Variants in SLMAP observed in about 807,000 individuals in gnomAD.
The protein encoded by SLMAP is sarcolemma associated protein, also known as sarcolemmal membrane-associated protein.
Under a neutral mutation model 128.8 loss-of-function variants are expected in SLMAP, and 44 were observed. That is an observed-to-expected ratio of 0.34 (90% CI 0.27 to 0.44). The LOEUF is 0.44. Among genes scored for constraint, SLMAP ranks in the 20% least tolerant of loss-of-function variants. The pLI is 1.00. For missense variants in SLMAP, 787 were observed against 985.3 expected, an observed-to-expected ratio of 0.80 and a Z score of 2.69; for synonymous variants, 327 against 348.8, an observed-to-expected ratio of 0.94 and a Z score of 0.70.
chr3:57,860,861 T>A (rs527314706), intron 9 of SLMAP, 22 bp downstream of exon 9: 11 of 1,528,276 alleles, frequency 7.2e-6, no homozygotes, highest in Middle Eastern at 2.0e-4. Flanking sequence ...AAAAAAAAAA[T>A]ACTAAATAGT....
intron 2 of SLMAP, among the ~76,000 whole-genome samples, chr3:57,760,788 C>T (rs62259026): frequency 0.3 from 46,205 of 151,688 alleles, 7,366 homozygotes; most frequent in East Asian, 0.48. Flanking sequence ...AGTGCAATGG[C>T]GCGATCTTGG....
intron 22 of SLMAP, among the ~76,000 whole-genome samples, chr3:57,920,585 G>A (rs578018480): frequency 2.2e-4 from 33 of 152,256 alleles, no homozygotes; most frequent in African/African-American, 7.5e-4. Context: ...TAGGATATAA[G>A]TAGAGAGGAA....
chr3:57,845,179 T>A (rs2094183871), intron 4 of SLMAP, among the ~76,000 whole-genome samples: 1 of 152,226 alleles, frequency 6.6e-6, no homozygotes. Context: ...AAGTTATACA[T>A]AATTTTAAAA....
rs1006006771 is a variant in SLMAP, at chr3:57,897,150, C to G, written c.1501+218C>G. ...TTGGATCAGTCAAGATTACGAGGGACAAAGTGTTAAGTGGTAGAATATGAA... is the reference window on the plus strand; with the variant it reads ...TTGGATCAGTCAAGATTACGAGGGAGAAAGTGTTAAGTGGTAGAATATGAA... On this transcript the variant is annotated intron_variant, in intron 17 of 24. Transcript: ENST00000671191. 16 of 1,295,168 alleles carry G rather than the reference C, an allele frequency of 1.2e-5. No homozygotes were observed. In the Admixed American group the frequency reaches 1.9e-4, roughly 15 times the overall value. 80.2% of individuals were successfully genotyped at this position (1,295,168 alleles called of 1,614,324 possible). A position where few individuals can be genotyped will look rare whatever the true frequency, so the allele number is the denominator to read the frequency against.
At chr3:57,781,685 C>G (rs979663655) in intron 2 of SLMAP, among the ~76,000 whole-genome samples, 3 of 150,680 alleles carry the variant, frequency 2.0e-5, no homozygotes, top group Non-Finnish European at 2.9e-5. Flanking sequence ...TCTTTTTAAA[C>G]CATGTAACTA....
intron 2 of SLMAP, among the ~76,000 whole-genome samples, chr3:57,767,117 C>A (rs901407978): frequency 2.0e-5 from 3 of 152,008 alleles, no homozygotes; most frequent in Non-Finnish European, 2.9e-5. Context: ...TGGGATTTCA[C>A]CATGTTGCCC....
intron 2 of SLMAP, among the ~76,000 whole-genome samples, chr3:57,803,517 G>C (rs1343504221): frequency 6.6e-6 from 1 of 152,202 alleles, no homozygotes; most frequent in East Asian, 1.9e-4. Flanking sequence ...CCTTGTAGAT[G>C]TAAAATGTTG....
rs771836522 is a variant in SLMAP, at chr3:57,831,547, C to CT, written c.346+24dup. On this transcript the variant is annotated intron_variant, in intron 3 of 24. Coordinates refer to ENST00000671191, the MANE Select transcript of SLMAP (RefSeq NM_001377540.1). ...CACGGAAAGGTACGGGTATGGATCA[C>CT]TTTTTTTATTACTTGTCTTTTAAAG... is the stretch of plus-strand genomic sequence containing the variant. 2.8e-6 allele frequency: 4 copies of CT among 1,441,566 alleles called. No individual in the cohort carries two copies. Among genetic ancestry groups the CT allele is most frequent in the Non-Finnish European group, 1.8e-6 (2 of 1,085,904 alleles). The allele number at this position is 1,441,566 out of a possible 1,614,324, so 89.3% of individuals were successfully genotyped here.
intron 2 of SLMAP, among the ~76,000 whole-genome samples, chr3:57,793,325 A>T (rs1221551545): frequency 6.6e-6 from 1 of 152,186 alleles, no homozygotes; most frequent in Non-Finnish European, 1.5e-5. Flanking sequence ...ATTCATTAAC[A>T]TTTCATTTCT....
intron 2 of SLMAP, among the ~76,000 whole-genome samples, chr3:57,767,773 C>G (rs753143539): frequency 6.6e-6 from 1 of 151,986 alleles, no homozygotes; most frequent in African/African-American, 2.4e-5. Context: ...TTTTTTCCCC[C>G]CAAAATGAAA....
chr3:57,809,000 C>T (rs2090435237), intron 2 of SLMAP, among the ~76,000 whole-genome samples: 1 of 152,152 alleles, frequency 6.6e-6, no homozygotes, highest in Non-Finnish European at 1.5e-5. Context: ...ATCCCTCTAC[C>T]ATTACGTAAT....
intron 23 of SLMAP, among the ~76,000 whole-genome samples, chr3:57,924,877 G>A (rs983466062): frequency 4.0e-5 from 6 of 151,580 alleles, no homozygotes; most frequent in African/African-American, 1.5e-4. Flanking sequence ...TTCAGGTATC[G>A]AGCAAAAATA....
chr3:57,776,522 C>CTCTCTTTTTTTT (rs571722815), intron 2 of SLMAP, among the ~76,000 whole-genome samples: 1 of 92,598 alleles, frequency 1.1e-5, no homozygotes, highest in African/African-American at 4.7e-5. Flanking sequence ...CTCTCTCTCT[C>CTCTCTTTTTTTT]TTTTTTTTTT....
intron 2 of SLMAP, among the ~76,000 whole-genome samples, chr3:57,797,013 C>G (rs6794636): frequency 0.32 from 46,813 of 147,100 alleles, 7,583 homozygotes; most frequent in East Asian, 0.55. Flanking sequence ...ACCCCCGTCT[C>G]TATAATTTTT....
chr3:57,867,664 C>A (rs940970890), intron 13 of SLMAP, among the ~76,000 whole-genome samples: 9 of 152,078 alleles, frequency 5.9e-5, no homozygotes, highest in African/African-American at 2.2e-4. Context: ...CATTCCAAAT[C>A]ACTTATAATA....
At chr3:57,926,048 C>A (rs565588795) in intron 24 of SLMAP, 114 bp downstream of exon 24, 199 of 728,272 alleles carry the variant, frequency 2.7e-4, no homozygotes, top group South Asian at 6.0e-4. Flanking sequence ...TGAAGCAAAC[C>A]CTTCATTTAG....
At chr3:57,857,045 G>A (rs890266042) in intron 6 of SLMAP, among the ~76,000 whole-genome samples, 1 of 152,134 alleles carries the variant, frequency 6.6e-6, no homozygotes, top group Non-Finnish European at 1.5e-5. Flanking sequence ...CACACAGTGT[G>A]TATGTATGTG....
chr3:57,885,128 A>C (rs1474744458), intron 14 of SLMAP, among the ~76,000 whole-genome samples: 1 of 150,150 alleles, frequency 6.7e-6, no homozygotes, highest in Non-Finnish European at 1.5e-5. Context: ...GCTGGAGTGC[A>C]ATGGCACAGT....
intron 6 of SLMAP, 101 bp downstream of exon 6, chr3:57,849,917 T>C: frequency 1.4e-6 from 1 of 736,330 alleles, no homozygotes; most frequent in Non-Finnish European, 2.4e-6. Flanking sequence ...CTAATGCCTG[T>C]AATCCCAGGA....
Sources: allele counts gnomAD v4.1 joint callset (sites outside exome capture counted in the v4.1 genomes callset), GRCh38; gene constraint gnomAD v4.1.1; transcripts MANE v1.5; gene names NCBI Gene and HGNC (gene_info 2026-07-23, HGNC 2026-07-21).